Variants in OCA2 observed in about 807,000 individuals in gnomAD.
OCA2 encodes OCA2 melanosomal transmembrane protein.
Under a neutral mutation model 100.2 loss-of-function variants are expected in OCA2, and 77 were observed. The observed-to-expected ratio is 0.77, with a 90% CI of 0.64 to 0.93. OCA2 has a LOEUF of 0.93. Ranked by LOEUF, OCA2 falls within the 40% of genes least tolerant of loss-of-function variation. The probability of loss-of-function intolerance (pLI) is 0.00; values close to 1 mark genes in which losing one functional copy is unlikely to be tolerated. For missense variants in OCA2, 1,062 were observed against 1,089.1 expected (o/e 0.98, Z 0.35); for synonymous variants, 432 against 439.2 (o/e 0.98, Z 0.21).
chr15:27,739,302 C>T, the OCA2 span, among the ~76,000 whole-genome samples: 5 of 152,074 alleles, frequency 3.3e-5, no homozygotes, highest in African/African-American at 7.3e-5. Flanking sequence ...TCCTGCGGTG[C>T]GTGGTCACCC....
In OCA2 at chr15:28,029,409, CA is replaced by C. The variant is rs557119569; in HGVS notation, c.327-1351del. On this transcript the variant is annotated intron_variant, in intron 3 of 23. Transcript: ENST00000354638. The stretch of plus-strand genomic sequence containing the variant: ...AAACACAACTGTAACAAAATTGGAA[CA>C]AAAAAAAACCTTTTCTTATAAGAAG... Among the ~76,000 whole-genome samples, 21 of 150,624 alleles carry C rather than the reference CA, an allele frequency of 1.4e-4. No individual in the cohort carries two copies. The South Asian group carries it at 1.7e-3, about 12-fold the overall frequency.
intron 1 of OCA2, among the ~76,000 whole-genome samples, chr15:28,097,169 G>A (rs1241842269): frequency 6.6e-5 from 10 of 152,200 alleles, no homozygotes; most frequent in Non-Finnish European, 1.2e-4. Flanking sequence ...GGGTGGCCGG[G>A]CCGAGAGCAC....
At chr15:27,861,997 G>A (rs1287348906) in intron 21 of OCA2, among the ~76,000 whole-genome samples, 6 of 152,352 alleles carry the variant, frequency 3.9e-5, no homozygotes, top group South Asian at 2.1e-4. Context: ...TGGCCACGGC[G>A]TCACGTGGAA....
chr15:27,879,368 C>T (rs1026977487), intron 19 of OCA2, among the ~76,000 whole-genome samples: 1 of 152,084 alleles, frequency 6.6e-6, no homozygotes, highest in Non-Finnish European at 1.5e-5. Context: ...TGGGTATATA[C>T]CCAGCAATGG....
At chr15:27,834,807 G>T (rs1172969469) in intron 23 of OCA2, among the ~76,000 whole-genome samples, 2 of 152,184 alleles carry the variant, frequency 1.3e-5, no homozygotes, top group South Asian at 2.1e-4. Flanking sequence ...TCCTGTCAAG[G>T]CTGGGGACTC....
chr15:27,815,102 A>C lies in OCA2; in HGVS notation c.2432+29857T>G, dbSNP rs79894029. On this transcript the variant is annotated intron_variant, in intron 23 of 23. Transcript: ENST00000354638. Reference sequence around the variant, plus strand: ...GAAGGGCAGGGAAAACTAAAGGCCAACCATCAGTCCAGTAAGATAACAGAA... The same window carrying C: ...GAAGGGCAGGGAAAACTAAAGGCCACCCATCAGTCCAGTAAGATAACAGAA... 2.6e-3 allele frequency among the ~76,000 whole-genome samples: 389 copies of C among 152,308 alleles called. 2 individuals carry two copies. The highest frequency in any genetic ancestry group is 8.9e-3 in the African/African-American group (369 of 41,558).
At chr15:27,886,327 A>G (rs977723737) in intron 19 of OCA2, among the ~76,000 whole-genome samples, 2 of 152,210 alleles carry the variant, frequency 1.3e-5, no homozygotes, top group African/African-American at 4.8e-5. Context: ...ACTTTTCAAC[A>G]TCACAAGGAA....
At chr15:27,852,225 T>C (rs1256013949) in intron 21 of OCA2, among the ~76,000 whole-genome samples, 1 of 152,220 alleles carries the variant, frequency 6.6e-6, no homozygotes, top group African/African-American at 2.4e-5. Flanking sequence ...CCATCTTGAA[T>C]TGATTTTTGT....
chr15:27,748,956 A>C, the OCA2 span, among the ~76,000 whole-genome samples: 1 of 149,284 alleles, frequency 6.7e-6, no homozygotes, highest in Non-Finnish European at 1.5e-5. Context: ...GAGAGAAAAT[A>C]CTGAAAAAAA....
the OCA2 span, among the ~76,000 whole-genome samples, chr15:27,723,060 C>A: frequency 6.6e-6 from 1 of 151,930 alleles, no homozygotes. Flanking sequence ...CCAGGCTGGT[C>A]TCAAACTACT....
At chr15:27,913,919 G>GAAAT (rs2038560161) in intron 19 of OCA2, among the ~76,000 whole-genome samples, 1 of 54,730 alleles carries the variant, frequency 1.8e-5, no homozygotes, top group Non-Finnish European at 3.2e-5. Flanking sequence ...AAGCAAGCAA[G>GAAAT]CAAGCAAGCA....
Position 27,897,780 on chromosome 15 carries a change from C to T in OCA2, c.2080-25858G>A, listed in dbSNP as rs187524533. ...AGATCCACTGACAGCTTGCACCGTGCGCCTGGAAAATCCGCAGACACTCAA... is the reference window on the plus strand; with the variant it reads ...AGATCCACTGACAGCTTGCACCGTGTGCCTGGAAAATCCGCAGACACTCAA... On this transcript the variant is annotated intron_variant, in intron 19 of 23. Coordinates refer to ENST00000354638, the MANE Select transcript of OCA2 (RefSeq NM_000275.3). 2.4e-3 allele frequency among the ~76,000 whole-genome samples: 366 copies of T among 152,268 alleles called. 2 individuals carry two copies. Among genetic ancestry groups the T allele is most frequent in the African/African-American group, 8.4e-3 (351 of 41,544 alleles).
chr15:28,011,309 A>G (rs568159564), intron 9 of OCA2, among the ~76,000 whole-genome samples: 2 of 152,252 alleles, frequency 1.3e-5, no homozygotes, highest in African/African-American at 4.8e-5. Flanking sequence ...TACAAAAAAA[A>G]TTTTAAAACT....
At chr15:27,725,923 G>A in the OCA2 span, among the ~76,000 whole-genome samples, 1 of 152,104 alleles carries the variant, frequency 6.6e-6, no homozygotes, top group Non-Finnish European at 1.5e-5. Context: ...GAAGCTGCCA[G>A]CATCTGTCAG....
At chr15:27,830,999 A>C (rs932616624) in intron 23 of OCA2, among the ~76,000 whole-genome samples, 1 of 152,148 alleles carries the variant, frequency 6.6e-6, no homozygotes, top group African/African-American at 2.4e-5. Context: ...TAGATATAAA[A>C]ATGCAATAAA....
chr15:27,736,125 AAAT>A, the OCA2 span, among the ~76,000 whole-genome samples: 5 of 152,192 alleles, frequency 3.3e-5, no homozygotes, highest in African/African-American at 7.2e-5. Flanking sequence ...TTAAAAAATA[AAAT>A]AATAAAAATA....
the OCA2 span, among the ~76,000 whole-genome samples, chr15:27,737,600 C>A: frequency 6.6e-6 from 1 of 152,150 alleles, no homozygotes; most frequent in African/African-American, 2.4e-5. Flanking sequence ...ATAAGACTAG[C>A]TGGATTGTGG....
chr15:27,994,456 CACACCTCTTCCT>C (rs1235064435), intron 9 of OCA2, among the ~76,000 whole-genome samples: 1 of 152,188 alleles, frequency 6.6e-6, no homozygotes, highest in East Asian at 1.9e-4. Context: ...GGAAATATAG[CACACCTCTTCCT>C]ACACCCAAAC....
intron 19 of OCA2, among the ~76,000 whole-genome samples, chr15:27,921,846 C>A (rs966687017): frequency 2.0e-5 from 3 of 152,162 alleles, no homozygotes; most frequent in African/African-American, 7.2e-5. Context: ...GGACTACAGG[C>A]ATGCACCACC....
Sources: gnomAD v4.1 joint callset for allele counts (sites outside exome capture counted in the v4.1 genomes callset) on GRCh38, gnomAD v4.1.1 for gene constraint, MANE v1.5 for transcripts, NCBI Gene and HGNC (gene_info 2026-07-23, HGNC 2026-07-21) for gene names.